The following CASQ2 variants were observed in gnomAD, a reference collection of about 807,000 sequenced individuals.
CASQ2 encodes calsequestrin 2.
CASQ2 carries 49 observed loss-of-function variants against 46.5 expected under a neutral mutation model. The observed-to-expected ratio is 1.05, with a 90% CI of 0.84 to 1.34. CASQ2 has a LOEUF of 1.34. Ranked by LOEUF, CASQ2 falls within the 40% of genes most tolerant of loss-of-function variation. The probability of loss-of-function intolerance (pLI) is 0.00; values close to 1 mark genes in which losing one functional copy is unlikely to be tolerated. For missense variants in CASQ2, 486 were observed against 481.3 expected (o/e 1.01, Z -0.09); for synonymous variants, 174 against 168.5 (o/e 1.03, Z -0.25).
chr1:115,748,891 T>C (rs1648479153), intron 1 of CASQ2, among the ~76,000 whole-genome samples: 1 of 152,162 alleles, frequency 6.6e-6, no homozygotes, highest in Non-Finnish European at 1.5e-5. Flanking sequence ...TTCTTAAACT[T>C]CAGTGTGCAT....
At chr1:115,733,191 C>T (rs1647846293) in intron 4 of CASQ2, among the ~76,000 whole-genome samples, 1 of 152,050 alleles carries the variant, frequency 6.6e-6, no homozygotes, top group Admixed American at 6.6e-5. Flanking sequence ...AAGAGAAGAC[C>T]CATTCACCAC....
chr1:115,762,328 G>A (rs559491699), intron 1 of CASQ2, among the ~76,000 whole-genome samples: 5 of 152,146 alleles, frequency 3.3e-5, no homozygotes, highest in Non-Finnish European at 5.9e-5. Context: ...AGATTATTGA[G>A]TGTCTGTTAA....
chr1:115,752,649 T>C (rs1570849889), intron 1 of CASQ2, among the ~76,000 whole-genome samples: 1 of 152,074 alleles, frequency 6.6e-6, no homozygotes, highest in East Asian at 1.9e-4. Context: ...GTGGGCTTAT[T>C]TGGGGTGCTG....
intron 7 of CASQ2, among the ~76,000 whole-genome samples, chr1:115,723,293 A>ATATCTATTTATCTATCTATC (rs1553193961): frequency 4.8e-4 from 36 of 74,454 alleles, no homozygotes; most frequent in African/African-American, 1.8e-3. Flanking sequence ...ATATCTCTCT[A>ATATCTATTTATCTATCTATC]TATCTATCTA....
chr1:115,754,548 C>T (rs906882429), intron 1 of CASQ2, among the ~76,000 whole-genome samples: 1 of 152,154 alleles, frequency 6.6e-6, no homozygotes, highest in Non-Finnish European at 1.5e-5. Flanking sequence ...GAGGTAGAGG[C>T]TTGCAGATGA....
intron 5 of CASQ2, among the ~76,000 whole-genome samples, chr1:115,727,863 G>A (rs1029283037): frequency 1.5e-4 from 23 of 152,204 alleles, no homozygotes; most frequent in Non-Finnish European, 3.4e-4. Context: ...CCAGCCGATA[G>A]CCAGGAAGAC....
Position 115,761,479 on chromosome 1 carries a change from A to AAGG in CASQ2, c.234+6828_234+6829insCCT, listed in dbSNP as rs1557806793. Among the ~76,000 whole-genome samples, 26 of 21,382 alleles carry AAGG rather than the reference A, an allele frequency of 1.2e-3. 6 individuals are homozygous for AAGG. Among genetic ancestry groups the AAGG allele is most frequent in the East Asian group, 9.6e-3 (5 of 522 alleles). 14.0% of individuals were successfully genotyped at this position (21,382 alleles called of 152,430 possible). On this transcript the variant is annotated intron_variant, in intron 1 of 10. Transcript: ENST00000261448. ...GAAGAAGAAGGAGAAGAAGAAGAAGAAGAAGAAGGAGAAGAAGGAGAAGAA... is the reference window on the plus strand; with the variant it reads ...GAAGAAGAAGGAGAAGAAGAAGAAGAAGGAGAAGAAGGAGAAGAAGGAGAAGAA...
At chr1:115,713,364 T>G (rs528135820) in intron 8 of CASQ2, among the ~76,000 whole-genome samples, 2 of 152,304 alleles carry the variant, frequency 1.3e-5, no homozygotes, top group East Asian at 3.9e-4. Context: ...GGAAATGTCC[T>G]TCCCAGCCAG....
intron 1 of CASQ2, among the ~76,000 whole-genome samples, chr1:115,765,152 T>C (rs978494563): frequency 6.6e-6 from 1 of 152,224 alleles, no homozygotes; most frequent in Non-Finnish European, 1.5e-5. Flanking sequence ...GCAACCTCCC[T>C]GCACTGTAGC....
intron 1 of CASQ2, among the ~76,000 whole-genome samples, chr1:115,761,216 G>A (rs1418739997): frequency 6.7e-6 from 1 of 149,998 alleles, no homozygotes; most frequent in Non-Finnish European, 1.5e-5. Context: ...GGCCAACATG[G>A]TGAAACCCTG....
intron 2 of CASQ2, among the ~76,000 whole-genome samples, chr1:115,742,176 A>C (rs1419216501): frequency 6.6e-6 from 1 of 151,948 alleles, no homozygotes; most frequent in African/African-American, 2.4e-5. Context: ...GATGCTGGCT[A>C]ATTTTTCATA....
intron 7 of CASQ2, among the ~76,000 whole-genome samples, chr1:115,721,562 T>C (rs1440870415): frequency 6.6e-6 from 1 of 152,140 alleles, no homozygotes; most frequent in Non-Finnish European, 1.5e-5. Flanking sequence ...AAGTGGATGT[T>C]GAAGATAAAG....
chr1:115,727,030 T>C lies in CASQ2; in HGVS notation c.699A>G (p.Thr233=). ...TCACAAACTCCACCAGCTCCTCTTC[T>C]GTGTAAGGTTTGTTGGGGATGGCAA... ...EPIAIPNKPY[T]EEELVEFVKE... Residue 233 remains threonine, a synonymous_variant, in exon 6 of 11, where the codon ACA becomes ACG. Coordinates refer to ENST00000261448, the MANE Select transcript of CASQ2 (RefSeq NM_001232.4). 1 of 1,607,852 alleles carries C rather than the reference T, an allele frequency of 6.2e-7. No individual in the cohort carries two copies. The highest frequency in any genetic ancestry group is 8.5e-7 in the Non-Finnish European group (1 of 1,176,124).
chr1:115,757,129 G>A (rs968010669), intron 1 of CASQ2, among the ~76,000 whole-genome samples: 2 of 152,204 alleles, frequency 1.3e-5, no homozygotes, highest in Non-Finnish European at 1.5e-5. Context: ...TTTCCAGTTC[G>A]TGAAACCTTT....
At chr1:115,704,624 T>A (rs1056299018) in intron 9 of CASQ2, among the ~76,000 whole-genome samples, 1 of 152,164 alleles carries the variant, frequency 6.6e-6, no homozygotes, top group Non-Finnish European at 1.5e-5. Flanking sequence ...TTTTAAAAAC[T>A]AAGTATAATC....
In CASQ2 at chr1:115,768,414, T is replaced by C. The variant is rs1163471411; in HGVS notation, c.128A>G (p.Lys43Arg). ...CAAGTCATATTTCTTTAAAACCTGC[T>C]TGAAGTTCTTCTCGGAAAGACTTAC... is the stretch of plus-strand genomic sequence containing the variant. The part of the protein sequence containing the change: ...RVVSLSEKNF[K>R]QVLKKYDLLC... The change falls in exon 1 of 11, where the codon AAG (lysine) becomes AGG (arginine). Residue 43 changes from lysine to arginine, a missense_variant. Physicochemically the swap from Lys to Arg is conservative, Grantham distance 26. Transcript: ENST00000261448. 1.9e-6 allele frequency: 3 copies of C among 1,613,872 alleles called. No individual in the cohort carries two copies. Among genetic ancestry groups the C allele is most frequent in the African/African-American group, 1.3e-5 (1 of 74,922 alleles).
chr1:115,721,925 T>C (rs1647390555), intron 7 of CASQ2, among the ~76,000 whole-genome samples: 1 of 152,122 alleles, frequency 6.6e-6, no homozygotes, highest in African/African-American at 2.4e-5. Flanking sequence ...ATCTGTGGTT[T>C]AAGTTGCTGT....
intron 7 of CASQ2, among the ~76,000 whole-genome samples, chr1:115,723,825 C>G (rs1050158320): frequency 1.3e-5 from 2 of 152,170 alleles, no homozygotes; most frequent in African/African-American, 4.8e-5. Flanking sequence ...AGGCATGAGT[C>G]ACTATGCCTA....
At chr1:115,731,464 G>T (rs1033657922) in intron 5 of CASQ2, among the ~76,000 whole-genome samples, 5 of 152,114 alleles carry the variant, frequency 3.3e-5, no homozygotes, top group African/African-American at 4.8e-5. Flanking sequence ...TTCAGTTTCG[G>T]CTTCTCTGTT....
Sources: gnomAD v4.1 joint callset for allele counts (sites outside exome capture counted in the v4.1 genomes callset) on GRCh38, gnomAD v4.1.1 for gene constraint, MANE v1.5 for transcripts, NCBI Gene and HGNC (gene_info 2026-07-23, HGNC 2026-07-21) for gene names.